Variants in SHTN1 observed in about 807,000 individuals in gnomAD.
SHTN1 encodes shootin 1.
Under a neutral mutation model 83.1 loss-of-function variants are expected in SHTN1, and 42 were observed. That is an observed-to-expected ratio of 0.51 (90% CI 0.39 to 0.65). SHTN1 has a LOEUF of 0.65. Ranked by LOEUF, SHTN1 falls within the 30% of genes least tolerant of loss-of-function variation. The pLI is 0.00. For synonymous variants in SHTN1, 224 were observed against 247.7 expected, an observed-to-expected ratio of 0.90 and a Z score of 0.90; for missense variants, 622 against 737.8, an observed-to-expected ratio of 0.84 and a Z score of 1.82.
chr10:117,020,770 C>T (rs1158613030), intron 2 of SHTN1, among the ~76,000 whole-genome samples: 2 of 151,822 alleles, frequency 1.3e-5, no homozygotes, highest in African/African-American at 2.4e-5. Context: ...GTTTCTTAGA[C>T]AAGATACAAA....
chr10:117,125,616 C>T (rs1473343567), intron 1 of SHTN1, among the ~76,000 whole-genome samples: 1 of 152,152 alleles, frequency 6.6e-6, no homozygotes, highest in African/African-American at 2.4e-5. Flanking sequence ...CCTTATCTTA[C>T]ACCTCTACTC....
At chr10:117,053,815 G>A (rs903790721) in intron 1 of SHTN1, among the ~76,000 whole-genome samples, 12 of 152,072 alleles carry the variant, frequency 7.9e-5, no homozygotes, top group African/African-American at 2.9e-4. Context: ...ATTCATAGCA[G>A]CACTATTCAC....
At chr10:116,993,250 C>T (rs1256442018) in intron 1 of SHTN1, among the ~76,000 whole-genome samples, 1 of 151,998 alleles carries the variant, frequency 6.6e-6, no homozygotes, top group Non-Finnish European at 1.5e-5. Context: ...CTCCTGACCT[C>T]ATGATCCGCC....
intron 2 of SHTN1, among the ~76,000 whole-genome samples, chr10:117,026,751 A>T (rs1852338226): frequency 6.6e-6 from 1 of 152,104 alleles, no homozygotes; most frequent in South Asian, 2.1e-4. Flanking sequence ...AAGGCTTTTG[A>T]CTCTAGTCCC....
intron 1 of SHTN1, among the ~76,000 whole-genome samples, chr10:117,104,346 A>AT (rs1853643731): frequency 1.3e-5 from 2 of 152,132 alleles, no homozygotes; most frequent in Non-Finnish European, 2.9e-5. Flanking sequence ...AGTACACCAC[A>AT]TTTTCTATTT....
intron 1 of SHTN1, among the ~76,000 whole-genome samples, chr10:117,065,734 AAGAAAGAAAGAAAGAAAG>A (rs1852971063): frequency 1.5e-4 from 1 of 6,714 alleles, no homozygotes; most frequent in Non-Finnish European, 5.9e-4. Context: ...AGATGAAAGA[AAGAAAGAAAGAAAGAAAG>A]AAAGAAAGAA....
At chr10:116,938,641 A>G (rs1564886761) in intron 9 of SHTN1, among the ~76,000 whole-genome samples, 1 of 152,182 alleles carries the variant, frequency 6.6e-6, no homozygotes, top group Non-Finnish European at 1.5e-5. Context: ...GAGGCATGGG[A>G]GTCAGGGATC....
intron 1 of SHTN1, among the ~76,000 whole-genome samples, chr10:117,054,236 A>G (rs745399389): frequency 6.6e-6 from 1 of 152,120 alleles, no homozygotes; most frequent in Non-Finnish European, 1.5e-5. Context: ...ACCAGCATTA[A>G]TGTTAAAATA....
intron 1 of SHTN1, among the ~76,000 whole-genome samples, chr10:117,059,615 T>A (rs988768534): frequency 6.6e-6 from 1 of 152,172 alleles, no homozygotes; most frequent in Non-Finnish European, 1.5e-5. Context: ...ATAAAGCCAA[T>A]CCCAAAAGGC....
At chr10:116,986,963 G>A (rs1589871414) in intron 1 of SHTN1, among the ~76,000 whole-genome samples, 2 of 151,900 alleles carry the variant, frequency 1.3e-5, no homozygotes, top group Admixed American at 6.6e-5. Context: ...TCCTGACCTC[G>A]TGATCCACCC....
intron 1 of SHTN1, among the ~76,000 whole-genome samples, chr10:117,105,812 G>T (rs745829273): frequency 1.2e-4 from 18 of 152,168 alleles, no homozygotes; most frequent in Admixed American, 1.3e-4. Flanking sequence ...GAGCACAGGA[G>T]TTCGAGACAG....
intron 1 of SHTN1, among the ~76,000 whole-genome samples, chr10:117,073,880 C>T (rs1853119254): frequency 6.6e-6 from 1 of 152,062 alleles, no homozygotes; most frequent in African/African-American, 2.4e-5. Flanking sequence ...TTAGTACCCC[C>T]TAGGCACTGT....
chr10:116,930,932 G>A (rs1299002379), intron 9 of SHTN1, among the ~76,000 whole-genome samples: 1 of 152,128 alleles, frequency 6.6e-6, no homozygotes, highest in Non-Finnish European at 1.5e-5. Context: ...TGACTGACAT[G>A]AGATGGTATC....
chr10:117,089,326 A>G (rs1042702491), intron 1 of SHTN1, among the ~76,000 whole-genome samples: 4 of 152,222 alleles, frequency 2.6e-5, no homozygotes, highest in Admixed American at 1.3e-4. Context: ...AAATTTAATA[A>G]AAAGTAATTT....
At chr10:116,984,065 G>A (rs1313432145) in intron 1 of SHTN1, among the ~76,000 whole-genome samples, 2 of 152,120 alleles carry the variant, frequency 1.3e-5, no homozygotes, top group Non-Finnish European at 2.9e-5. Context: ...CCTCTAGCTA[G>A]GGTTAATAAG....
In SHTN1 at chr10:116,950,756, T is replaced by C. The variant is rs144648672; in HGVS notation, c.534+1153A>G. The stretch of plus-strand genomic sequence containing the variant: ...TACACATTGTCCAACGGTAAGGTCC[T>C]TTCCAAAATATCATCTTCCTTCTTC... On this transcript the variant is annotated intron_variant, in intron 6 of 16. Transcript: ENST00000355371. 2.4e-4 allele frequency among the ~76,000 whole-genome samples: 37 copies of C among 152,332 alleles called. No homozygotes were observed. In the East Asian group the frequency reaches 6.2e-3, roughly 26 times the overall value.
intron 1 of SHTN1, among the ~76,000 whole-genome samples, chr10:117,099,285 C>G (rs1564958999): frequency 6.6e-6 from 1 of 151,908 alleles, no homozygotes. Context: ...ACAGTGTACA[C>G]TGCTTGGGTG....
chr10:117,095,882 G>A (rs2133624100), intron 1 of SHTN1, among the ~76,000 whole-genome samples: 1 of 152,302 alleles, frequency 6.6e-6, no homozygotes, highest in African/African-American at 2.4e-5. Context: ...AAAGCTACAT[G>A]CCTTGCAGTT....
intron 1 of SHTN1, among the ~76,000 whole-genome samples, chr10:117,059,726 A>G (rs1448964052): frequency 6.6e-6 from 1 of 152,208 alleles, no homozygotes; most frequent in Non-Finnish European, 1.5e-5. Flanking sequence ...GTAGGGGCAG[A>G]AGAGATCTTT....
Sources: gnomAD v4.1 joint callset for allele counts (sites outside exome capture counted in the v4.1 genomes callset) on GRCh38, gnomAD v4.1.1 for gene constraint, MANE v1.5 for transcripts, NCBI Gene and HGNC (gene_info 2026-07-23, HGNC 2026-07-21) for gene names.